The following FSTL4 variants were observed in gnomAD, a reference collection of about 807,000 sequenced individuals.
The protein encoded by FSTL4 is follistatin-related protein 4.
FSTL4 carries 28 observed loss-of-function variants against 78.2 expected under a neutral mutation model. That is an observed-to-expected ratio of 0.36 (90% CI 0.27 to 0.49). The LOEUF (loss-of-function observed/expected upper bound fraction) is 0.49, where lower values mean the gene tolerates loss of function less well. Ranked by LOEUF, FSTL4 falls within the 20% of genes least tolerant of loss-of-function variation. The probability of loss-of-function intolerance (pLI) is 0.98; values close to 1 mark genes in which losing one functional copy is unlikely to be tolerated. For missense variants in FSTL4, 922 were observed against 1,084.9 expected, an observed-to-expected ratio of 0.85 and a Z score of 2.11; for synonymous variants, 422 against 440.5, an observed-to-expected ratio of 0.96 and a Z score of 0.53.
At chr5:133,252,686 C>T (rs1169174916) in intron 6 of FSTL4, among the ~76,000 whole-genome samples, 1 of 152,086 alleles carries the variant, frequency 6.6e-6, no homozygotes, top group Non-Finnish European at 1.5e-5. Flanking sequence ...GAGCATGGCC[C>T]CTCATTTGGA....
chr5:133,423,547 G>C (rs1469531331), intron 3 of FSTL4, among the ~76,000 whole-genome samples: 1 of 152,192 alleles, frequency 6.6e-6, no homozygotes, highest in African/African-American at 2.4e-5. Context: ...AGAGTGCATG[G>C]GGTGACAGTA....
chr5:133,328,173 G>T (rs11742814), intron 4 of FSTL4, among the ~76,000 whole-genome samples: 8,990 of 152,272 alleles, frequency 0.059, 282 homozygotes, highest in African/African-American at 0.074. Flanking sequence ...CGGCTGTGCT[G>T]CACTGGAGCA....
chr5:133,277,813 T>C (rs916172193), intron 6 of FSTL4, among the ~76,000 whole-genome samples: 1 of 152,152 alleles, frequency 6.6e-6, no homozygotes, highest in Non-Finnish European at 1.5e-5. Context: ...TTCTGAACTG[T>C]TTTTGGGGGT....
the FSTL4 span, among the ~76,000 whole-genome samples, chr5:133,796,077 T>C: frequency 1.3e-5 from 2 of 152,190 alleles, no homozygotes; most frequent in African/African-American, 4.8e-5. Flanking sequence ...CACTTTCCCA[T>C]GTGCTCCTTA....
At chr5:133,381,240 G>A (rs1755561059) in intron 4 of FSTL4, among the ~76,000 whole-genome samples, 1 of 152,156 alleles carries the variant, frequency 6.6e-6, no homozygotes, top group African/African-American at 2.4e-5. Flanking sequence ...ATCTCCAAAT[G>A]GGAATTAACC....
At chr5:133,837,587 A>G in the FSTL4 span, among the ~76,000 whole-genome samples, 2 of 152,152 alleles carry the variant, frequency 1.3e-5, no homozygotes, top group Non-Finnish European at 2.9e-5. Context: ...AATCCAGTAA[A>G]TAACTGAGCT....
At chr5:133,240,377 C>G (rs1180409139) in intron 7 of FSTL4, among the ~76,000 whole-genome samples, 12 of 152,222 alleles carry the variant, frequency 7.9e-5, no homozygotes, top group Non-Finnish European at 1.5e-4. Context: ...AAAGAAGTCT[C>G]TGCAACTTGG....
At chr5:133,292,990 C>T (rs1008230791) in intron 6 of FSTL4, among the ~76,000 whole-genome samples, 10 of 152,318 alleles carry the variant, frequency 6.6e-5, no homozygotes, top group Non-Finnish European at 1.0e-4. Context: ...ATTTCTCCTT[C>T]GTCAGGTGGA....
chr5:133,624,146 A>G, the FSTL4 span, among the ~76,000 whole-genome samples: 2 of 152,008 alleles, frequency 1.3e-5, no homozygotes, highest in Non-Finnish European at 2.9e-5. Flanking sequence ...AAATTTGCAC[A>G]TGAATGTTCG....
chr5:133,732,610 C>T, the FSTL4 span, among the ~76,000 whole-genome samples: 1 of 152,182 alleles, frequency 6.6e-6, no homozygotes, highest in Admixed American at 6.5e-5. Context: ...TGCACAGCCT[C>T]CTCCCGGCCT....
At chr5:133,617,298 CAAA>C (rs145317097), upstream of FSTL4, among the ~76,000 whole-genome samples, 1,653 of 61,794 alleles carry the variant, frequency 0.027, 15 homozygotes, top group Non-Finnish European at 0.03. Flanking sequence ...GACTCCATCT[CAAA>C]AAAAAAAAAA....
At chr5:133,388,220 C>T (rs550044940) in intron 4 of FSTL4, among the ~76,000 whole-genome samples, 2 of 152,218 alleles carry the variant, frequency 1.3e-5, no homozygotes, top group East Asian at 3.8e-4. Context: ...TCTGATTTCT[C>T]TGTAGAATGT....
At chr5:133,394,009 C>A (rs760890091) in intron 4 of FSTL4, among the ~76,000 whole-genome samples, 8 of 152,204 alleles carry the variant, frequency 5.3e-5, no homozygotes, top group Non-Finnish European at 1.2e-4. Context: ...CTTGCTGAGC[C>A]CTAACTAAAA....
intron 6 of FSTL4, among the ~76,000 whole-genome samples, chr5:133,276,528 G>A (rs1752888735): frequency 6.6e-6 from 1 of 152,206 alleles, no homozygotes. Context: ...CAAGGCCATG[G>A]TGGGGGAAAT....
At chr5:133,215,239 G>A (rs1750869070) in intron 13 of FSTL4, among the ~76,000 whole-genome samples, 1 of 152,078 alleles carries the variant, frequency 6.6e-6, no homozygotes, top group African/African-American at 2.4e-5. Context: ...CTCCTTTATT[G>A]GTTTCTTCTC....
chr5:133,782,276 G>A, the FSTL4 span, among the ~76,000 whole-genome samples: 4 of 152,256 alleles, frequency 2.6e-5, no homozygotes, highest in Non-Finnish European at 5.9e-5. Flanking sequence ...TACAACTGCT[G>A]CTGTTAACAA....
chr5:133,615,194 T>C (rs1011963998), upstream of FSTL4, among the ~76,000 whole-genome samples: 6 of 152,170 alleles, frequency 3.9e-5, no homozygotes, highest in African/African-American at 9.7e-5. Flanking sequence ...ACTAGGCTGG[T>C]CAAACAGTGC....
chr5:133,790,886 T>C, the FSTL4 span, among the ~76,000 whole-genome samples: 1 of 152,196 alleles, frequency 6.6e-6, no homozygotes, highest in African/African-American at 2.4e-5. Flanking sequence ...CCTGACTGGC[T>C]CCCTGAGTCC....
chr5:133,314,347 C>A (rs943939763), intron 5 of FSTL4, among the ~76,000 whole-genome samples: 11 of 152,170 alleles, frequency 7.2e-5, no homozygotes, highest in African/African-American at 2.4e-4. Flanking sequence ...GCCCCGGGGG[C>A]CATGGGCAGC....
Sources: allele counts gnomAD v4.1 joint callset (sites outside exome capture counted in the v4.1 genomes callset), GRCh38; gene constraint gnomAD v4.1.1; transcripts MANE v1.5; gene names NCBI Gene and HGNC (gene_info 2026-07-23, HGNC 2026-07-21).